The following CMIP variants were observed in gnomAD, a reference collection of about 807,000 sequenced individuals.
The protein encoded by CMIP is c-Maf inducing protein, also known as C-Maf-inducing protein.
In CMIP, 13 loss-of-function variants were observed where a neutral mutation model predicts 97.3. The observed-to-expected ratio is 0.13, with a 90% confidence interval of 0.09 to 0.21. CMIP has a LOEUF of 0.21. Among genes scored for constraint, CMIP ranks in the 10% least tolerant of loss-of-function variants. The pLI is 1.00. For missense variants in CMIP, 847 were observed against 1,024.9 expected (o/e 0.83, Z 2.37); for synonymous variants, 538 against 436.3 (o/e 1.23, Z -2.91).
At chr16:81,595,469 G>A (rs901879857) in intron 1 of CMIP, among the ~76,000 whole-genome samples, 2 of 149,636 alleles carry the variant, frequency 1.3e-5, no homozygotes, top group African/African-American at 4.9e-5. Flanking sequence ...GCTCACTGCA[G>A]CTTCTGCCTG....
chr16:81,656,339 A>G (rs1348883604), intron 4 of CMIP, among the ~76,000 whole-genome samples: 2 of 152,232 alleles, frequency 1.3e-5, no homozygotes, highest in South Asian at 2.1e-4. Flanking sequence ...GGTGGGAGCC[A>G]TGGGGCTCTG....
At chr16:81,504,641 CAAAAAAAA>C (rs149715666) in intron 1 of CMIP, among the ~76,000 whole-genome samples, 17 of 71,990 alleles carry the variant, frequency 2.4e-4, no homozygotes, top group African/African-American at 4.7e-4. Flanking sequence ...AGACTCGTCT[CAAAAAAAA>C]AAAAAAAAAA....
At chr16:81,675,449 C>A (rs1163503107) in intron 9 of CMIP, among the ~76,000 whole-genome samples, 1 of 151,100 alleles carries the variant, frequency 6.6e-6, no homozygotes, top group East Asian at 1.9e-4. Flanking sequence ...AAACTCCTGG[C>A]CTCAAGTGAA....
chr16:81,567,713 CTCTGCTGTGTCG>C lies in CMIP; in HGVS notation c.301-39848_301-39837del. On this transcript the variant is annotated intron_variant, in intron 1 of 20. Transcript: ENST00000537098. ...TGCTCTGCCTCTCCATGCGCTGCTC[CTCTGCTGTGTCG>C]TCTGCACAGAACTGACCACCTTCTA... Among the ~76,000 whole-genome samples the C allele has an allele frequency of 1.3e-5, 2 of 152,222 alleles. 1 individual carries two copies. Among genetic ancestry groups the C allele is most frequent in the East Asian group, 3.8e-4 (2 of 5,198 alleles).
chr16:81,638,008 C>T (rs977827766), intron 3 of CMIP, among the ~76,000 whole-genome samples: 10 of 152,104 alleles, frequency 6.6e-5, no homozygotes, highest in Non-Finnish European at 1.5e-4. Context: ...ATCACCCCCA[C>T]GAGGCCCCAC....
intron 3 of CMIP, among the ~76,000 whole-genome samples, chr16:81,647,476 C>A (rs1003780188): frequency 1.3e-5 from 2 of 152,174 alleles, no homozygotes; most frequent in African/African-American, 4.8e-5. Flanking sequence ...CTAAGTCAGC[C>A]CCTTTCTGTG....
At chr16:81,633,900 A>G (rs769539919) in intron 3 of CMIP, among the ~76,000 whole-genome samples, 1 of 152,234 alleles carries the variant, frequency 6.6e-6, no homozygotes, top group African/African-American at 2.4e-5. Context: ...CAGGCAGACC[A>G]TTCATCATGT....
intron 1 of CMIP, among the ~76,000 whole-genome samples, chr16:81,587,572 A>G (rs1156329934): frequency 6.6e-6 from 1 of 152,088 alleles, no homozygotes; most frequent in Non-Finnish European, 1.5e-5. Context: ...TTCCCATTTT[A>G]CCAATGAAAA....
intron 10 of CMIP, chr16:81,691,514 G>T: frequency 1.8e-6 from 1 of 552,940 alleles, no homozygotes; most frequent in Non-Finnish European, 3.2e-6. Context: ...GGTTCAAAGG[G>T]CATTGTGAAG....
intron 1 of CMIP, among the ~76,000 whole-genome samples, chr16:81,488,422 G>T (rs558979823): frequency 6.6e-6 from 1 of 152,170 alleles, no homozygotes; most frequent in East Asian, 1.9e-4. Flanking sequence ...TGAGTAATAC[G>T]TATGAAGTGC....
chr16:81,589,435 G>A (rs1428408069), intron 1 of CMIP, among the ~76,000 whole-genome samples: 1 of 151,396 alleles, frequency 6.6e-6, no homozygotes, highest in African/African-American at 2.4e-5. Flanking sequence ...CATGACAATA[G>A]TAACTACCTA....
At chr16:81,603,347 G>T (rs1299207397) in intron 1 of CMIP, 1 of 453,684 alleles carries the variant, frequency 2.2e-6, no homozygotes, top group Non-Finnish European at 4.4e-6. Context: ...CTCCCAAAGT[G>T]CTGGGATTAC....
At chr16:81,445,612 C>A (rs1160025509) in intron 1 of CMIP, 71 bp downstream of exon 1, 3 of 1,474,936 alleles carry the variant, frequency 2.0e-6, no homozygotes, top group Non-Finnish European at 2.7e-6. Context: ...TGGCTGCCCC[C>A]TGGCGCTGCA....
intron 1 of CMIP, among the ~76,000 whole-genome samples, chr16:81,560,191 GGTTTTGTTTT>G (rs1181704018): frequency 7.2e-6 from 1 of 138,634 alleles, no homozygotes; most frequent in Admixed American, 7.3e-5. Flanking sequence ...GTGTTTTTTT[GGTTTTGTTTT>G]GTTTTGTTTT....
intron 1 of CMIP, chr16:81,519,944 G>C (rs989924436): frequency 1.3e-5 from 2 of 152,178 alleles, no homozygotes; most frequent in Non-Finnish European, 2.9e-5. Flanking sequence ...CATTGTAGTT[G>C]TGGCTCTCTG....
intron 1 of CMIP, among the ~76,000 whole-genome samples, chr16:81,580,137 C>A (rs2091271149): frequency 6.6e-6 from 1 of 152,160 alleles, no homozygotes; most frequent in African/African-American, 2.4e-5. Context: ...TCCTAACCTG[C>A]TTAGCTGCCT....
chr16:81,699,136 C>G (rs1230038114), intron 14 of CMIP, among the ~76,000 whole-genome samples: 1 of 152,076 alleles, frequency 6.6e-6, no homozygotes, highest in African/African-American at 2.4e-5. Context: ...GCCTGTAATC[C>G]TAGCTTACTA....
intron 1 of CMIP, among the ~76,000 whole-genome samples, chr16:81,494,903 C>A (rs2089462700): frequency 6.6e-6 from 1 of 152,190 alleles, no homozygotes. Context: ...CCAAGGAAGC[C>A]CGTGAGTTGG....
chr16:81,472,590 G>C (rs1403386507), intron 1 of CMIP, among the ~76,000 whole-genome samples: 1 of 152,216 alleles, frequency 6.6e-6, no homozygotes, highest in Non-Finnish European at 1.5e-5. Context: ...AGGAACCTGA[G>C]CATTCACTGG....
Sources: allele counts gnomAD v4.1 joint callset (sites outside exome capture counted in the v4.1 genomes callset), GRCh38; gene constraint gnomAD v4.1.1; transcripts MANE v1.5; gene names NCBI Gene and HGNC (gene_info 2026-07-23, HGNC 2026-07-21).